EPB41: variants seen among roughly 807,000 people sequenced by gnomAD.
EPB41 encodes the protein protein 4.1.
Under a neutral mutation model 108.0 loss-of-function variants are expected in EPB41, and 65 were observed. That is an observed-to-expected ratio of 0.60 (90% CI 0.49 to 0.74). The LOEUF is 0.74. EPB41 is among the 30% of genes least tolerant of loss of function. EPB41 has a pLI of 0.00. For missense variants in EPB41, 875 were observed against 1,037.0 expected, an observed-to-expected ratio of 0.84 and a Z score of 2.15; for synonymous variants, 336 against 358.9, an observed-to-expected ratio of 0.94 and a Z score of 0.72.
chr1:29,019,346 C>G (rs1442909834), intron 7 of EPB41, among the ~76,000 whole-genome samples: 2 of 152,136 alleles, frequency 1.3e-5, no homozygotes, highest in Non-Finnish European at 2.9e-5. Flanking sequence ...CTGCCATGAG[C>G]TGAGATCACA....
rs757965551 is a variant in EPB41, at chr1:29,039,245, TC to T, written c.1464-3del. 9 of 1,613,174 alleles carry T rather than the reference TC, an allele frequency of 5.6e-6. No homozygotes were observed. The highest frequency in any genetic ancestry group is 1.7e-5 in the Admixed American group (1 of 59,960). On this transcript the variant is annotated splice_polypyrimidine_tract_variant and splice_region_variant and intron_variant, in intron 10 of 20. Coordinates refer to ENST00000343067, the MANE Select transcript of EPB41 (RefSeq NM_001376013.1). ...TATAATAATATGACTATTACGATTT[TC>T]CCCCCAGATTGACATCTACAGACAC...
At chr1:29,013,257 G>A (rs557532222) in intron 5 of EPB41, among the ~76,000 whole-genome samples, 3 of 151,776 alleles carry the variant, frequency 2.0e-5, no homozygotes, top group South Asian at 2.1e-4. Context: ...TCAGGGAGTC[G>A]GAGGTGGCAG....
At chr1:28,924,453 T>C (rs1023214313) in intron 1 of EPB41, among the ~76,000 whole-genome samples, 6 of 152,096 alleles carry the variant, frequency 3.9e-5, no homozygotes, top group Non-Finnish European at 8.8e-5. Flanking sequence ...CGCTTGATCC[T>C]GAGAGGTGGC....
chr1:29,038,138 A>G (rs567958271), intron 10 of EPB41, among the ~76,000 whole-genome samples: 59 of 152,346 alleles, frequency 3.9e-4, no homozygotes, highest in African/African-American at 1.3e-3. Context: ...AGCACAGTCA[A>G]CGAGAAGAAA....
chr1:29,012,919 A>G (rs1378141595), intron 5 of EPB41, among the ~76,000 whole-genome samples: 3 of 152,222 alleles, frequency 2.0e-5, no homozygotes, highest in Non-Finnish European at 2.9e-5. Flanking sequence ...CACAAGAAAA[A>G]TATAACTCCT....
chr1:29,094,072 G>A (rs920176014), intron 16 of EPB41, among the ~76,000 whole-genome samples: 1 of 151,950 alleles, frequency 6.6e-6, no homozygotes, highest in Non-Finnish European at 1.5e-5. Flanking sequence ...TTGTGTATAT[G>A]GCTAGTCAGT....
chr1:28,959,977 AG>A (rs1206701430), intron 1 of EPB41, among the ~76,000 whole-genome samples: 3 of 143,398 alleles, frequency 2.1e-5, no homozygotes, highest in Non-Finnish European at 4.6e-5. Context: ...CCCCTTCTTG[AG>A]GCCCTTTCTT....
chr1:28,996,748 A>G (rs544866351), intron 3 of EPB41, among the ~76,000 whole-genome samples: 15 of 152,320 alleles, frequency 9.8e-5, no homozygotes, highest in Non-Finnish European at 1.8e-4. Flanking sequence ...TGCTTAAACT[A>G]TGTAGCCACC....
In EPB41 at chr1:28,979,096, A is replaced by T. The variant is rs76940188; in HGVS notation, c.-7-8335A>T. On this transcript the variant is annotated intron_variant, in intron 1 of 20. Transcript: ENST00000343067. Reference sequence around the variant, plus strand: ...TTTGATATTAGAGAAGCTGAATGTCATTCCTTTTACTTGCAACACAATGAA... The same window carrying T: ...TTTGATATTAGAGAAGCTGAATGTCTTTCCTTTTACTTGCAACACAATGAA... Among the ~76,000 whole-genome samples the T allele has an allele frequency of 3.7e-3, 563 of 151,686 alleles. 24 individuals are homozygous for T. Among genetic ancestry groups the T allele is most frequent in the African/African-American group, 9.7e-3 (397 of 41,052 alleles).
intron 1 of EPB41, among the ~76,000 whole-genome samples, chr1:28,973,306 G>A (rs936326708): frequency 6.6e-6 from 1 of 152,106 alleles, no homozygotes; most frequent in African/African-American, 2.4e-5. Flanking sequence ...CTTCTCTGGT[G>A]TCCTTGGGGA....
At chr1:28,992,764 ACT>A (rs1268490251) in intron 2 of EPB41, among the ~76,000 whole-genome samples, 3 of 152,068 alleles carry the variant, frequency 2.0e-5, no homozygotes, top group African/African-American at 7.2e-5. Context: ...GCACCAGGAA[ACT>A]CTTCCTTCAT....
intron 16 of EPB41, chr1:29,065,603 A>G (rs569312596): frequency 1.3e-5 from 2 of 153,200 alleles, no homozygotes; most frequent in East Asian, 3.8e-4. Context: ...CTGGTTCCCC[A>G]CAATTATATA....
chr1:29,062,015 C>T (rs1646655269), intron 15 of EPB41, among the ~76,000 whole-genome samples: 1 of 152,224 alleles, frequency 6.6e-6, no homozygotes. Flanking sequence ...AAAATATGCC[C>T]AGCCTTCATT....
chr1:28,989,747 T>C (rs2095961775), intron 2 of EPB41, among the ~76,000 whole-genome samples: 1 of 152,334 alleles, frequency 6.6e-6, no homozygotes, highest in East Asian at 1.9e-4. Context: ...CTTTTCACTT[T>C]ATCAGTTTCC....
intron 1 of EPB41, chr1:28,889,839 T>C (rs2147801048): frequency 1.0e-6 from 1 of 985,268 alleles, no homozygotes; most frequent in Non-Finnish European, 1.2e-6. Flanking sequence ...CTGTGCACCA[T>C]ATACAGGTCT....
chr1:28,902,356 G>T, intron 1 of EPB41: 10 of 985,384 alleles, frequency 1.0e-5, no homozygotes, highest in Non-Finnish European at 1.2e-5. Context: ...CTGTTTGGCT[G>T]TTGGGTCCGC....
chr1:29,012,104 G>A (rs1031696149), intron 5 of EPB41, among the ~76,000 whole-genome samples, 197 bp downstream of exon 5: 62 of 151,984 alleles, frequency 4.1e-4, no homozygotes, highest in African/African-American at 1.4e-3. Context: ...CTATTGAGAT[G>A]TAGGTCAGAT....
At chr1:28,897,621 AG>A (rs2090829174) in intron 1 of EPB41, among the ~76,000 whole-genome samples, 2 of 51,724 alleles carry the variant, frequency 3.9e-5, no homozygotes, top group African/African-American at 1.8e-4. Context: ...AGGGGAGAGG[AG>A]GGGAGAGGAG....
intron 16 of EPB41, among the ~76,000 whole-genome samples, chr1:29,076,166 A>G (rs1300925512): frequency 1.3e-5 from 2 of 152,216 alleles, no homozygotes; most frequent in Non-Finnish European, 2.9e-5. Flanking sequence ...TTACCCTCAG[A>G]CAAGTTACCA....
Sources: gnomAD v4.1 joint callset for allele counts (sites outside exome capture counted in the v4.1 genomes callset) on GRCh38, gnomAD v4.1.1 for gene constraint, MANE v1.5 for transcripts, NCBI Gene and HGNC (gene_info 2026-07-23, HGNC 2026-07-21) for gene names.